VPS13A: variants seen among roughly 807,000 people sequenced by gnomAD.
VPS13A encodes the protein vacuolar protein sorting 13 homolog A, also known as intermembrane lipid transfer protein VPS13A.
VPS13A carries 264 observed loss-of-function variants against 390.9 expected under a neutral mutation model. The ratio of observed to expected loss-of-function variants is 0.68; its 90% CI spans 0.61 to 0.75. VPS13A has a LOEUF of 0.75. Ranked by LOEUF, VPS13A falls within the 30% of genes least tolerant of loss-of-function variation. VPS13A has a pLI of 0.00. For synonymous variants in VPS13A, 1,231 were observed against 1,227.1 expected (o/e 1.00, Z -0.07); for missense variants, 3,409 against 3,733.9 (o/e 0.91, Z 2.27).
intron 23 of VPS13A, among the ~76,000 whole-genome samples, chr9:77,266,507 G>A (rs1169002192): frequency 2.0e-5 from 3 of 152,082 alleles, no homozygotes; most frequent in African/African-American, 7.2e-5. Context: ...CTTCTGGCTT[G>A]TAGGGTTTCT....
chr9:77,261,999 T>G (rs1825789008), intron 23 of VPS13A, among the ~76,000 whole-genome samples: 1 of 152,162 alleles, frequency 6.6e-6, no homozygotes, highest in Non-Finnish European at 1.5e-5. Flanking sequence ...GTCTTCTGGT[T>G]TTGATATGCT....
intron 53 of VPS13A, 82 bp downstream of exon 53, chr9:77,351,528 A>C: frequency 6.5e-7 from 1 of 1,548,288 alleles, no homozygotes; most frequent in Non-Finnish European, 8.8e-7. Flanking sequence ...TCACGCCTGT[A>C]ATCCCAGCAC....
At chr9:77,219,537 C>G (rs17723920) in intron 10 of VPS13A, among the ~76,000 whole-genome samples, 8,321 of 152,218 alleles carry the variant, frequency 0.055, 337 homozygotes, top group South Asian at 0.12. Flanking sequence ...ACAGATGGAT[C>G]TAGAGAAATT....
chr9:77,295,076 G>C (rs971611985), intron 32 of VPS13A, among the ~76,000 whole-genome samples: 3 of 151,840 alleles, frequency 2.0e-5, no homozygotes, highest in Admixed American at 2.0e-4. Flanking sequence ...TGAAAATTAG[G>C]TATAAGAGTA....
chr9:77,345,297 G>A (rs2131524515), intron 52 of VPS13A, among the ~76,000 whole-genome samples, 155 bp downstream of exon 52: 1 of 152,254 alleles, frequency 6.6e-6, no homozygotes, highest in Middle Eastern at 3.4e-3. Flanking sequence ...GAAGCATGTA[G>A]GGGTAAAACT....
chr9:77,239,890 G>T (rs112110929), intron 19 of VPS13A, among the ~76,000 whole-genome samples: 4 of 151,664 alleles, frequency 2.6e-5, no homozygotes, highest in African/African-American at 9.7e-5. Flanking sequence ...ATAAATTACA[G>T]TATACATTTT....
intron 68 of VPS13A, chr9:77,382,297 T>G: frequency 6.5e-7 from 1 of 1,535,912 alleles, no homozygotes; most frequent in Non-Finnish European, 8.8e-7. Flanking sequence ...AAGTTTGATA[T>G]GAAAAGTTAA....
intron 44 of VPS13A, 97 bp from the exon 45 acceptor site, chr9:77,322,970 G>A: frequency 1.0e-6 from 1 of 1,004,870 alleles, no homozygotes; most frequent in Non-Finnish European, 1.5e-6. Flanking sequence ...TTATTTATAA[G>A]TTTAAGAATC....
intron 52 of VPS13A, among the ~76,000 whole-genome samples, chr9:77,348,455 G>T (rs1281126811): frequency 1.3e-5 from 2 of 152,062 alleles, no homozygotes; most frequent in Non-Finnish European, 2.9e-5. Context: ...CGCACACTGG[G>T]GCCTGTTGGG....
At chr9:77,231,152 A>G (rs1823808631) in intron 17 of VPS13A, among the ~76,000 whole-genome samples, 1 of 152,206 alleles carries the variant, frequency 6.6e-6, no homozygotes, top group South Asian at 2.1e-4. Context: ...AGGATTTTTT[A>G]TATACATGAT....
chr9:77,265,779 G>A lies in VPS13A; in HGVS notation c.2427+5555G>A, dbSNP rs189369604. ...CACTGATATTTTTGAAGGGTTTTTC[G>A]TGTCTCTATCTCCTTCATTTCTGCT... On this transcript the variant is annotated intron_variant, in intron 23 of 71. Transcript: ENST00000360280. 4.5e-4 allele frequency among the ~76,000 whole-genome samples: 68 copies of A among 152,084 alleles called. No individual in the cohort carries two copies. In the East Asian group the frequency reaches 0.01, roughly 22 times the overall value.
At chr9:77,220,452 C>A in intron 12 of VPS13A, 69 bp downstream of exon 12, 1 of 1,067,750 alleles carries the variant, frequency 9.4e-7, no homozygotes. Flanking sequence ...TTCTCGACTT[C>A]AAGAATAATC....
At chr9:77,214,514 G>C (rs558283075) in intron 10 of VPS13A, 128 bp downstream of exon 10, 1 of 648,740 alleles carries the variant, frequency 1.5e-6, no homozygotes, top group African/African-American at 1.9e-5. Context: ...TATTTATAAT[G>C]TATATACAAA....
intron 31 of VPS13A, among the ~76,000 whole-genome samples, chr9:77,285,725 G>A (rs1305901037): frequency 1.3e-5 from 2 of 152,084 alleles, no homozygotes; most frequent in East Asian, 1.9e-4. Context: ...GGAATTATCA[G>A]TGCAAATATT....
At position 77,416,143 on chromosome 9, in the gene VPS13A, CAAAA is replaced by C. The variant is rs926899262; in HGVS notation, c.*141_*144del. 1.1e-4 allele frequency: 118 copies of C among 1,035,386 alleles called. No individual in the cohort carries two copies. The South Asian group carries it at 1.4e-3, about 12-fold the overall frequency. 64.1% of individuals were successfully genotyped at this position (1,035,386 alleles called of 1,614,324 possible). A position where few individuals can be genotyped will look rare whatever the true frequency, so the allele number is the denominator to read the frequency against. On this transcript the variant is annotated 3_prime_UTR_variant, in exon 72 of 72. Coordinates refer to ENST00000360280, the MANE Select transcript of VPS13A (RefSeq NM_033305.3). Reference sequence around the variant, plus strand: ...CTGGATGCTAAAAAACAAAAACAAACAAAAAAACAAAAACAAAAAAACAAAACCA... The same window carrying C: ...CTGGATGCTAAAAAACAAAAACAAACAAACAAAAACAAAAAAACAAAACCA...
At chr9:77,389,472 A>T (rs1833820469) in intron 68 of VPS13A, among the ~76,000 whole-genome samples, 1 of 151,988 alleles carries the variant, frequency 6.6e-6, no homozygotes, top group Non-Finnish European at 1.5e-5. Flanking sequence ...TGCCAGGCTA[A>T]TTTTTTAAAT....
chr9:77,415,674 AT>A (rs1316521278), intron 71 of VPS13A, among the ~76,000 whole-genome samples: 1 of 152,094 alleles, frequency 6.6e-6, no homozygotes, highest in Admixed American at 6.5e-5. Flanking sequence ...ATTGGAAGGA[AT>A]TTTTTTCTTT....
chr9:77,246,362 G>A (rs1240365365), intron 19 of VPS13A, among the ~76,000 whole-genome samples: 1 of 151,898 alleles, frequency 6.6e-6, no homozygotes, highest in African/African-American at 2.4e-5. Flanking sequence ...GTAATTTTAA[G>A]TACATTAAAA....
intron 27 of VPS13A, among the ~76,000 whole-genome samples, chr9:77,280,653 C>T (rs1203268556): frequency 2.0e-5 from 3 of 152,008 alleles, no homozygotes; most frequent in Non-Finnish European, 4.4e-5. Flanking sequence ...TTATGATATT[C>T]ATTTTATCGT....
Sources: gnomAD v4.1 joint callset for allele counts (sites outside exome capture counted in the v4.1 genomes callset) on GRCh38, gnomAD v4.1.1 for gene constraint, MANE v1.5 for transcripts, NCBI Gene and HGNC (gene_info 2026-07-23, HGNC 2026-07-21) for gene names.